Variants in PARD3B observed in about 807,000 individuals in gnomAD.
PARD3B encodes partitioning defective 3 homolog B.
In PARD3B, 103 loss-of-function variants were observed where a neutral mutation model predicts 130.2. The ratio of observed to expected loss-of-function variants is 0.79; its 90% CI spans 0.67 to 0.93. The LOEUF is 0.93. Ranked by LOEUF, PARD3B falls within the 40% of genes least tolerant of loss-of-function variation. The pLI, the probability that PARD3B is intolerant of heterozygous loss-of-function variation, is 0.00. For missense variants in PARD3B, 1,609 were observed against 1,499.2 expected (o/e 1.07, Z -1.21); for synonymous variants, 583 against 553.2 (o/e 1.05, Z -0.76).
intron 16 of PARD3B, among the ~76,000 whole-genome samples, chr2:205,251,342 A>AT (rs35613759): frequency 0.035 from 5,349 of 152,250 alleles, 128 homozygotes; most frequent in Middle Eastern, 0.058. Flanking sequence ...TGTATAAATT[A>AT]TACCAAAGGC....
chr2:205,059,847 C>T (rs1699961018), intron 4 of PARD3B, among the ~76,000 whole-genome samples: 1 of 152,064 alleles, frequency 6.6e-6, no homozygotes, highest in African/African-American at 2.4e-5. Flanking sequence ...CTACCCAGCA[C>T]ACCTTGGAGG....
intron 3 of PARD3B, among the ~76,000 whole-genome samples, chr2:205,037,310 T>C (rs931410104): frequency 1.4e-5 from 2 of 144,584 alleles, no homozygotes; most frequent in Non-Finnish European, 3.0e-5. Context: ...TTGTATAAAA[T>C]ATATATAGTG....
chr2:204,832,626 C>A (rs1348155425), intron 2 of PARD3B, among the ~76,000 whole-genome samples: 1 of 152,038 alleles, frequency 6.6e-6, no homozygotes, highest in Non-Finnish European at 1.5e-5. Flanking sequence ...GCATGGGAGA[C>A]AAGGTGAGTG....
At chr2:205,441,418 T>C (rs2047711624) in intron 20 of PARD3B, among the ~76,000 whole-genome samples, 1 of 152,188 alleles carries the variant, frequency 6.6e-6, no homozygotes, top group African/African-American at 2.4e-5. Context: ...TTTTAGTCGA[T>C]ATACATTGTT....
chr2:204,602,042 G>T (rs1461184940), intron 1 of PARD3B, among the ~76,000 whole-genome samples: 1 of 152,066 alleles, frequency 6.6e-6, no homozygotes, highest in East Asian at 1.9e-4. Flanking sequence ...TCATTACAGG[G>T]AGTTATTTCT....
At chr2:205,401,487 G>A (rs1345325108) in intron 19 of PARD3B, among the ~76,000 whole-genome samples, 1 of 152,086 alleles carries the variant, frequency 6.6e-6, no homozygotes, top group Non-Finnish European at 1.5e-5. Flanking sequence ...TAGTCAGGCT[G>A]TTGTATACCT....
chr2:205,537,970 G>C (rs1024479435), intron 21 of PARD3B, among the ~76,000 whole-genome samples: 5 of 152,144 alleles, frequency 3.3e-5, no homozygotes, highest in African/African-American at 9.7e-5. Flanking sequence ...GTGGGTAGTT[G>C]AGGATTACGT....
intron 2 of PARD3B, among the ~76,000 whole-genome samples, chr2:204,796,215 G>A (rs1324246042): frequency 6.6e-6 from 1 of 152,156 alleles, no homozygotes; most frequent in East Asian, 1.9e-4. Flanking sequence ...CTCTACCAGG[G>A]TGGTCTTGCA....
At chr2:204,977,695 C>T (rs1337576952) in intron 3 of PARD3B, among the ~76,000 whole-genome samples, 1 of 151,752 alleles carries the variant, frequency 6.6e-6, no homozygotes, top group African/African-American at 2.4e-5. Flanking sequence ...GCCTGTAGTC[C>T]CAGCTACTCG....
Position 205,193,130 on chromosome 2 carries a change from A to G in PARD3B, c.2025-75A>G, listed in dbSNP as rs184418065. ...GCAGAGTGATGAGTGGCTGTGTTCA[A>G]AATGAGAACTGCTTCCTCATTTTTT... On this transcript the variant is annotated intron_variant, in intron 14 of 22. Coordinates refer to ENST00000406610, the MANE Select transcript of PARD3B (RefSeq NM_001302769.2). 21 of 1,062,484 alleles carry G rather than the reference A, an allele frequency of 2.0e-5. No individual in the cohort carries two copies. In the African/African-American group the frequency reaches 2.0e-4, roughly 10 times the overall value. 65.8% of individuals were successfully genotyped at this position (1,062,484 alleles called of 1,614,324 possible).
intron 4 of PARD3B, among the ~76,000 whole-genome samples, chr2:205,080,516 G>C (rs565408579): frequency 6.6e-6 from 1 of 151,942 alleles, no homozygotes; most frequent in African/African-American, 2.4e-5. Context: ...TTGATTCATC[G>C]CTATGTTTTT....
chr2:205,107,905 G>A (rs1189667178), intron 5 of PARD3B, among the ~76,000 whole-genome samples: 2 of 152,138 alleles, frequency 1.3e-5, no homozygotes, highest in Non-Finnish European at 2.9e-5. Context: ...CAAGCAATAT[G>A]TACAAAAGAC....
chr2:204,775,893 G>T (rs1476205267), intron 2 of PARD3B, among the ~76,000 whole-genome samples: 1 of 152,078 alleles, frequency 6.6e-6, no homozygotes, highest in South Asian at 2.1e-4. Flanking sequence ...TGGCTTGCAG[G>T]TTTCTCCACT....
intron 2 of PARD3B, among the ~76,000 whole-genome samples, chr2:204,724,858 G>A (rs1259350569): frequency 6.6e-6 from 1 of 150,598 alleles, no homozygotes; most frequent in Admixed American, 6.6e-5. Flanking sequence ...TGGGTAGGGG[G>A]AAGACAGGAT....
chr2:205,385,332 T>C (rs964355), intron 18 of PARD3B, among the ~76,000 whole-genome samples: 24,912 of 152,122 alleles, frequency 0.16, 2,194 homozygotes, highest in Middle Eastern at 0.21. Flanking sequence ...AGGGAGAGTT[T>C]GACTGATTTG....
chr2:205,064,412 T>C (rs536337574), intron 4 of PARD3B, among the ~76,000 whole-genome samples: 16 of 152,272 alleles, frequency 1.1e-4, no homozygotes, highest in African/African-American at 3.8e-4. Flanking sequence ...GCGTGGCTGC[T>C]AAGAACTCTG....
At position 204,546,068 on chromosome 2, in the gene PARD3B, C is replaced by A. The variant is rs750917995; in HGVS notation, c.69C>A (p.Val23=). ...CCTGCAAGGAGGGCCAGCTGCGCGTCGGCGAGCTCACCCAGCAGGCGCTGC... is the reference window on the plus strand; with the variant it reads ...CCTGCAAGGAGGGCCAGCTGCGCGTAGGCGAGCTCACCCAGCAGGCGCTGC... ...VVPCKEGQLR[V]GELTQQALQR... Residue 23 remains valine, a synonymous_variant, in exon 1 of 23, where the codon GTC becomes GTA. Transcript: ENST00000406610. 28 of 1,560,634 alleles carry A rather than the reference C, an allele frequency of 1.8e-5. No individual in the cohort carries two copies. The highest frequency in any genetic ancestry group is 2.2e-5 in the Non-Finnish European group (25 of 1,152,058).
At chr2:205,140,835 G>A (rs1238962275) in intron 10 of PARD3B, among the ~76,000 whole-genome samples, 7 of 152,088 alleles carry the variant, frequency 4.6e-5, no homozygotes, top group African/African-American at 1.2e-4. Flanking sequence ...GGTAGGCTGA[G>A]ATTTTCTTCT....
chr2:204,942,269 T>C (rs572714987), intron 2 of PARD3B, among the ~76,000 whole-genome samples: 15 of 152,206 alleles, frequency 9.9e-5, no homozygotes, highest in Non-Finnish European at 1.6e-4. Flanking sequence ...ACTTTTACTT[T>C]CCCTGTTTTT....
Sources: gnomAD v4.1 joint callset for allele counts (sites outside exome capture counted in the v4.1 genomes callset) on GRCh38, gnomAD v4.1.1 for gene constraint, MANE v1.5 for transcripts, NCBI Gene and HGNC (gene_info 2026-07-23, HGNC 2026-07-21) for gene names.